The following ATRNL1 variants were observed in gnomAD, a reference collection of about 807,000 sequenced individuals.
ATRNL1 encodes the protein attractin-like protein 1.
In ATRNL1, 95 loss-of-function variants were observed where a neutral mutation model predicts 182.7. The ratio of observed to expected loss-of-function variants is 0.52; its 90% CI spans 0.44 to 0.62. ATRNL1 has a LOEUF of 0.62. ATRNL1 is among the 20% of genes least tolerant of loss of function. The pLI, the probability that ATRNL1 is intolerant of heterozygous loss-of-function variation, is 0.00. For synonymous variants in ATRNL1, 576 were observed against 568.3 expected (o/e 1.01, Z -0.19); for missense variants, 1,471 against 1,679.5 (o/e 0.88, Z 2.17).
chr10:115,412,364 C>G (rs183615832), intron 20 of ATRNL1, among the ~76,000 whole-genome samples: 48 of 152,310 alleles, frequency 3.2e-4, no homozygotes, highest in Admixed American at 1.0e-3. Context: ...CACCTGATTG[C>G]AGGATTACAG....
At chr10:115,150,873 C>A (rs1846193212) in intron 5 of ATRNL1, among the ~76,000 whole-genome samples, 1 of 152,126 alleles carries the variant, frequency 6.6e-6, no homozygotes, top group Non-Finnish European at 1.5e-5. Context: ...TCCCTCCCTG[C>A]TCCCCCCACC....
intron 27 of ATRNL1, among the ~76,000 whole-genome samples, chr10:115,747,646 C>T (rs1245785933): frequency 6.6e-6 from 1 of 151,820 alleles, no homozygotes; most frequent in Non-Finnish European, 1.5e-5. Flanking sequence ...CCTTCTTTTC[C>T]TCTGATCTTA....
chr10:115,165,741 T>A, intron 7 of ATRNL1, 96 bp downstream of exon 7: 1 of 562,608 alleles, frequency 1.8e-6, no homozygotes, highest in Non-Finnish European at 3.0e-6. Flanking sequence ...TTCAAATATT[T>A]AATGAGAACA....
At chr10:115,636,770 A>G (rs1345463235) in intron 26 of ATRNL1, among the ~76,000 whole-genome samples, 3 of 152,244 alleles carry the variant, frequency 2.0e-5, no homozygotes, top group Admixed American at 2.0e-4. Flanking sequence ...ACATAGCAAT[A>G]TTATTCACAG....
chr10:115,501,222 C>G (rs1849819021), intron 24 of ATRNL1, among the ~76,000 whole-genome samples: 1 of 152,246 alleles, frequency 6.6e-6, no homozygotes, highest in Non-Finnish European at 1.5e-5. Flanking sequence ...GCGTGAGCCA[C>G]TGCGTCTGGC....
At chr10:115,824,865 C>A (rs1262231430) in intron 27 of ATRNL1, among the ~76,000 whole-genome samples, 2 of 151,500 alleles carry the variant, frequency 1.3e-5, no homozygotes, top group Non-Finnish European at 3.0e-5. Context: ...CCTCAAGGAT[C>A]TAGAATCAGC....
At chr10:115,785,010 A>G (rs1363516903) in intron 27 of ATRNL1, among the ~76,000 whole-genome samples, 1 of 152,188 alleles carries the variant, frequency 6.6e-6, no homozygotes, top group East Asian at 1.9e-4. Context: ...CTCTTAACCC[A>G]TTCCAGCATT....
chr10:115,684,895 G>A (rs923893777), intron 26 of ATRNL1, among the ~76,000 whole-genome samples: 1 of 151,582 alleles, frequency 6.6e-6, no homozygotes, highest in Non-Finnish European at 1.5e-5. Context: ...TCATTTTTAT[G>A]TTAATTTAAT....
At chr10:115,487,816 A>C (rs1554975531) in intron 24 of ATRNL1, among the ~76,000 whole-genome samples, 1 of 152,190 alleles carries the variant, frequency 6.6e-6, no homozygotes, top group South Asian at 2.1e-4. Flanking sequence ...GCTGTTTTCA[A>C]AGGGATTGCT....
chr10:115,804,989 C>T (rs1555085315), intron 27 of ATRNL1, among the ~76,000 whole-genome samples: 1 of 152,146 alleles, frequency 6.6e-6, no homozygotes, highest in Non-Finnish European at 1.5e-5. Context: ...TGTGTATGTG[C>T]TACATTTGTG....
intron 26 of ATRNL1, among the ~76,000 whole-genome samples, chr10:115,636,104 T>C (rs1196679986): frequency 2.0e-5 from 3 of 152,160 alleles, no homozygotes; most frequent in Non-Finnish European, 4.4e-5. Flanking sequence ...CGAAAATTAG[T>C]TGAGATACTT....
chr10:115,651,924 A>G (rs2133883030), intron 26 of ATRNL1, among the ~76,000 whole-genome samples: 1 of 152,270 alleles, frequency 6.6e-6, no homozygotes, highest in Middle Eastern at 3.4e-3. Context: ...TAGAAAATAT[A>G]TGTTAGAATG....
rs989049269 is a variant in ATRNL1, at chr10:115,109,140, A to C, written c.294-11045A>C. Among the ~76,000 whole-genome samples the C allele has an allele frequency of 2.7e-5, 4 of 149,986 alleles. No homozygotes were observed. The East Asian group carries it at 5.9e-4, about 22-fold the overall frequency. On this transcript the variant is annotated intron_variant, in intron 1 of 28. Coordinates refer to ENST00000355044, the MANE Select transcript of ATRNL1 (RefSeq NM_207303.4). ...TCATCCTTAATGTTCTTTTCATACC[A>C]ATACAAGTTTTTTCTAGCCTTTTTT...
At chr10:115,602,135 A>C (rs112173549) in intron 26 of ATRNL1, among the ~76,000 whole-genome samples, 25 of 151,850 alleles carry the variant, frequency 1.6e-4, no homozygotes, top group African/African-American at 5.8e-4. Context: ...AGGTGGCTCA[A>C]CTAAGGTCAG....
chr10:115,392,151 C>T (rs657545), intron 19 of ATRNL1, among the ~76,000 whole-genome samples: 57,894 of 151,876 alleles, frequency 0.38, 12,215 homozygotes, highest in African/African-American at 0.57. Context: ...AACAGTTTTA[C>T]AAGCAGAAAA....
At chr10:115,852,481 C>G (rs114567388) in intron 28 of ATRNL1, among the ~76,000 whole-genome samples, 1 of 152,066 alleles carries the variant, frequency 6.6e-6, no homozygotes, top group Admixed American at 6.6e-5. Context: ...TTATATTAAG[C>G]GCTTTATGTA....
At chr10:115,819,578 A>G (rs183419335) in intron 27 of ATRNL1, among the ~76,000 whole-genome samples, 5 of 152,108 alleles carry the variant, frequency 3.3e-5, no homozygotes, top group African/African-American at 9.6e-5. Flanking sequence ...TCCCTTTTTT[A>G]TTATCATTCT....
chr10:115,668,897 C>T (rs535027416), intron 26 of ATRNL1, among the ~76,000 whole-genome samples: 51 of 152,056 alleles, frequency 3.4e-4, no homozygotes, highest in African/African-American at 1.2e-3. Context: ...TTTTCAGGAT[C>T]GAGGATTTTA....
intron 26 of ATRNL1, among the ~76,000 whole-genome samples, chr10:115,689,222 G>T (rs1363469227): frequency 6.6e-6 from 1 of 152,086 alleles, no homozygotes; most frequent in African/African-American, 2.4e-5. Flanking sequence ...ATGTTTTGAA[G>T]TCAAGTACTG....
Sources: gnomAD v4.1 joint callset for allele counts (sites outside exome capture counted in the v4.1 genomes callset) on GRCh38, gnomAD v4.1.1 for gene constraint, MANE v1.5 for transcripts, NCBI Gene and HGNC (gene_info 2026-07-23, HGNC 2026-07-21) for gene names.